ZDHHC19: variants seen among roughly 807,000 people sequenced by gnomAD.
The protein encoded by ZDHHC19 is zDHHC palmitoyltransferase 19.
A neutral mutation model predicts 33.9 loss-of-function variants in ZDHHC19; 30 were observed. The ratio of observed to expected loss-of-function variants is 0.88; its 90% CI spans 0.66 to 1.20. The LOEUF (loss-of-function observed/expected upper bound fraction) is 1.20, where lower values mean the gene tolerates loss of function less well. ZDHHC19 is among the 50% of genes most tolerant of loss of function. The pLI is 0.00. For synonymous variants in ZDHHC19, 178 were observed against 167.6 expected, an observed-to-expected ratio of 1.06 and a Z score of -0.48; for missense variants, 364 against 401.1, an observed-to-expected ratio of 0.91 and a Z score of 0.79.
intron 4 of ZDHHC19, among the ~76,000 whole-genome samples, chr3:196,207,942 T>TTTTC (rs146400917): frequency 0.25 from 35,830 of 145,038 alleles, 4,748 homozygotes; most frequent in East Asian, 0.41. Flanking sequence ...TTTTCTTTTC[T>TTTTC]TTTCTTTTCT....
chr3:196,209,209 G>A, intron 3 of ZDHHC19, 167 bp downstream of exon 3: 3 of 935,594 alleles, frequency 3.2e-6, no homozygotes, highest in South Asian at 1.8e-5. Flanking sequence ...ACAGGTGCAG[G>A]TGGAGAACAC....
At chr3:196,200,553 A>G (rs1231346029) in intron 5 of ZDHHC19, among the ~76,000 whole-genome samples, 11 of 148,492 alleles carry the variant, frequency 7.4e-5, no homozygotes, top group South Asian at 4.2e-4. Flanking sequence ...ACGGGGTTTC[A>G]CCGTGTTAGC....
chr3:196,203,734 A>G lies in ZDHHC19; in HGVS notation c.687+3664T>C, dbSNP rs541493872. ...GTGAGAAGGGCGAAGGCTGCCCAGA[A>G]AAGGCTGAAACGATGCACTGAGGCT... On this transcript the variant is annotated intron_variant, in intron 5 of 7. Coordinates refer to ENST00000296326, the MANE Select transcript of ZDHHC19 (RefSeq NM_001039617.2). The surrounding 1 kb of genome is among the most constrained non-coding windows in gnomAD (Gnocchi z 4.3). Among the ~76,000 whole-genome samples, 8 of 152,332 alleles carry G rather than the reference A, an allele frequency of 5.3e-5. No individual in the cohort carries two copies. In the South Asian group the frequency reaches 1.7e-3, roughly 32 times the overall value.
At chr3:196,207,290 G>C (rs534185532) in intron 5 of ZDHHC19, 108 bp downstream of exon 5, 2 of 938,330 alleles carry the variant, frequency 2.1e-6, no homozygotes, top group Admixed American at 4.4e-5. Context: ...ACCTAACGAG[G>C]CACCATCGCG....
At chr3:196,211,042 G>A (rs559220427) in intron 1 of ZDHHC19, 128 bp downstream of exon 1, 27 of 1,480,754 alleles carry the variant, frequency 1.8e-5, no homozygotes, top group East Asian at 1.2e-4. Context: ...CGGTTCCCTC[G>A]AACAGAATAT....
chr3:196,209,306 G>A (rs1723023884), intron 3 of ZDHHC19, 70 bp downstream of exon 3: 1 of 1,522,936 alleles, frequency 6.6e-7, no homozygotes, highest in Non-Finnish European at 8.8e-7. Flanking sequence ...CCTGGCCCCT[G>A]TATGAGGGAG....
rs1722535762 is a variant in ZDHHC19, at chr3:196,203,772, C to T, written c.687+3626G>A. Among the ~76,000 whole-genome samples the T allele has an allele frequency of 6.6e-6, 1 of 152,140 alleles. No individual in the cohort carries two copies. Among genetic ancestry groups the T allele is most frequent in the Non-Finnish European group, 1.5e-5 (1 of 68,018 alleles). ...ATGCACTGAGGCTGGGGAGGGTCCA[C>T]ATGCAGACCAGAGCGGGCTGATGAG... On this transcript the variant is annotated intron_variant, in intron 5 of 7. Coordinates refer to ENST00000296326, the MANE Select transcript of ZDHHC19 (RefSeq NM_001039617.2). The surrounding 1 kb of genome is among the most constrained non-coding windows in gnomAD (Gnocchi z 4.3).
intron 5 of ZDHHC19, among the ~76,000 whole-genome samples, chr3:196,204,254 G>A (rs187204301): frequency 4.7e-4 from 71 of 152,036 alleles, no homozygotes; most frequent in Admixed American, 1.2e-3. Context: ...ATGAACAAAT[G>A]GAAATTGAAA....
rs755156004 is a variant in ZDHHC19 at position 196,211,301 on chromosome 3, C to T, written c.15G>A (p.Thr5=). ...GCTCCTTCACCAGCGGCGTGGCATCCGTTAAGAGTGTCATGGCTGGGCCTC... is the reference window on the plus strand; with the variant it reads ...GCTCCTTCACCAGCGGCGTGGCATCTGTTAAGAGTGTCATGGCTGGGCCTC... MTLL[T]DATPLVKEPH... Residue 5 remains threonine, a synonymous_variant, in exon 1 of 8, where the codon ACG becomes ACA. Transcript: ENST00000296326. 61 of 1,612,428 alleles carry T rather than the reference C, an allele frequency of 3.8e-5. No individual in the cohort carries two copies. Among genetic ancestry groups the T allele is most frequent in the Non-Finnish European group, 4.8e-5 (57 of 1,179,028 alleles).
At chr3:196,210,328 A>C (rs913414461) in intron 2 of ZDHHC19, among the ~76,000 whole-genome samples, 1 of 44,200 alleles carries the variant, frequency 2.3e-5, no homozygotes, top group Non-Finnish European at 5.9e-5. Flanking sequence ...AAAGAAGGAA[A>C]GAAAGAAAGA....
At chr3:196,201,512 C>T (rs1465624238) in intron 5 of ZDHHC19, among the ~76,000 whole-genome samples, 1 of 151,854 alleles carries the variant, frequency 6.6e-6, no homozygotes, top group East Asian at 1.9e-4. Flanking sequence ...CACTTGAGGC[C>T]AGGAGTTCGA....
At chr3:196,204,382 C>CTTT (rs1419600213) in intron 5 of ZDHHC19, among the ~76,000 whole-genome samples, 1 of 152,106 alleles carries the variant, frequency 6.6e-6, no homozygotes, top group Non-Finnish European at 1.5e-5. Context: ...TCGAAGAAGA[C>CTTT]GTAAATAAAT....
intron 5 of ZDHHC19, among the ~76,000 whole-genome samples, chr3:196,201,540 TG>T (rs1722351865): frequency 1.3e-5 from 2 of 151,368 alleles, no homozygotes; most frequent in African/African-American, 4.9e-5. Flanking sequence ...CTGGCCAACA[TG>T]GAAGAACCCG....
Position 196,198,392 on chromosome 3 carries a change from GGC to G in ZDHHC19, c.831_832del (p.Met277IlefsTer84). ...GGGGGACATTGGAGGGTGCAGATTC[GGC>G]ATGGATGTCCAGTCAGGCCCCACCA... is the stretch of plus-strand genomic sequence containing the variant. On this transcript the variant is annotated frameshift_variant, in exon 7 of 8. Transcript: ENST00000296326. LOFTEE classifies it high-confidence loss of function. The G allele has an allele frequency of 6.5e-7, 1 of 1,542,338 alleles. No homozygotes were observed. The highest frequency in any genetic ancestry group is 1.3e-5 in the South Asian group (1 of 79,692).
rs1577326806 is a variant in ZDHHC19 at position 196,207,347 on chromosome 3, G to A, written c.687+51C>T. On this transcript the variant is annotated intron_variant, in intron 5 of 7. Transcript: ENST00000296326. ...GCCAAGGGCAGTGGAGAAAGCGCGG[G>A]AAGCGCGGAGGTCCCCGAGGTGCAA... 5 of 1,493,264 alleles carry A rather than the reference G, an allele frequency of 3.3e-6. No homozygotes were observed. The East Asian group carries it at 1.3e-4, about 39-fold the overall frequency. 92.5% of individuals were successfully genotyped at this position (1,493,264 alleles called of 1,614,324 possible).
At chr3:196,198,638 AG>A in intron 6 of ZDHHC19, 150 bp downstream of exon 6, 1 of 1,555,726 alleles carries the variant, frequency 6.4e-7, no homozygotes, top group Non-Finnish European at 8.7e-7. Flanking sequence ...GGACGTAGGG[AG>A]GCCCCAGAGC....
chr3:196,207,275 G>T, intron 5 of ZDHHC19, 123 bp downstream of exon 5: 1 of 804,404 alleles, frequency 1.2e-6, no homozygotes, highest in Non-Finnish European at 2.0e-6. Context: ...GCTGGGTCTG[G>T]AGGGACCTAA....
Position 196,210,285 on chromosome 3 carries a change from A to AGAAGGAAGGAAG in ZDHHC19, c.268+319_268+330dup, listed in dbSNP as rs10690372. On this transcript the variant is annotated intron_variant, in intron 2 of 7. Transcript: ENST00000296326. ...AAAGAAAAGAGAAAGAAAGAAAGAA[A>AGAAGGAAGGAAG]GAAGGAAGGAAGGAAAGAGAGAGGA... is the stretch of plus-strand genomic sequence containing the variant. Among the ~76,000 whole-genome samples, 838 of 139,670 alleles carry AGAAGGAAGGAAG rather than the reference A, an allele frequency of 6.0e-3. 15 individuals are homozygous for AGAAGGAAGGAAG. The highest frequency in any genetic ancestry group is 0.022 in the African/African-American group (802 of 36,756). 91.6% of individuals were successfully genotyped at this position (139,670 alleles called of 152,430 possible). A position where few individuals can be genotyped will look rare whatever the true frequency, so the allele number is the denominator to read the frequency against.
chr3:196,206,721 G>T (rs1347949009), intron 5 of ZDHHC19, among the ~76,000 whole-genome samples: 1 of 127,180 alleles, frequency 7.9e-6, no homozygotes, highest in African/African-American at 3.2e-5. Context: ...TCGCTCTGCT[G>T]CCCAGGCTGG....
Sources: allele counts gnomAD v4.1 joint callset (sites outside exome capture counted in the v4.1 genomes callset), GRCh38; gene constraint gnomAD v4.1.1; non-coding constraint Gnocchi (gnomAD v3.1); transcripts MANE v1.5; gene names NCBI Gene and HGNC (gene_info 2026-07-23, HGNC 2026-07-21).